The following TRDMT1 variants were observed in gnomAD, a reference collection of about 807,000 sequenced individuals.
TRDMT1 encodes the protein tRNA (cytosine(38)-C(5))-methyltransferase.
A neutral mutation model predicts 51.2 loss-of-function variants in TRDMT1; 49 were observed. The ratio of observed to expected loss-of-function variants is 0.96; its 90% CI spans 0.76 to 1.21. The LOEUF is 1.21. TRDMT1 is among the 50% of genes most tolerant of loss of function. The pLI is 0.00. For missense variants in TRDMT1, 534 were observed against 462.3 expected, an observed-to-expected ratio of 1.16 and a Z score of -1.42; for synonymous variants, 187 against 164.6, an observed-to-expected ratio of 1.14 and a Z score of -1.04.
intron 3 of TRDMT1, among the ~76,000 whole-genome samples, chr10:17,162,679 T>C (rs965709547): frequency 2.6e-5 from 4 of 152,070 alleles, no homozygotes; most frequent in Admixed American, 6.6e-5. Flanking sequence ...TCCATCTCTA[T>C]TAAAAATGCA....
intron 1 of TRDMT1, among the ~76,000 whole-genome samples, chr10:17,193,535 A>G (rs1220446026): frequency 6.6e-6 from 1 of 152,226 alleles, no homozygotes; most frequent in African/African-American, 2.4e-5. Context: ...GAGTCAAATC[A>G]AGAATGTGAT....
intron 1 of TRDMT1, among the ~76,000 whole-genome samples, chr10:17,176,088 G>A (rs190269002): frequency 2.0e-5 from 3 of 152,218 alleles, no homozygotes; most frequent in African/African-American, 7.2e-5. Context: ...AATCAAGAAG[G>A]CTTCTAAACA....
chr10:17,165,415 C>T (rs1841049689), intron 3 of TRDMT1, among the ~76,000 whole-genome samples: 1 of 152,076 alleles, frequency 6.6e-6, no homozygotes, highest in African/African-American at 2.4e-5. Context: ...ACCATAAAAC[C>T]CTAGAAGAAA....
At chr10:17,163,507 G>C (rs1840719686) in intron 3 of TRDMT1, among the ~76,000 whole-genome samples, 1 of 152,036 alleles carries the variant, frequency 6.6e-6, no homozygotes, top group Admixed American at 6.6e-5. Context: ...GAGAAGGCAA[G>C]AAATAACTAA....
chr10:17,197,285 A>G (rs943698351), intron 1 of TRDMT1, among the ~76,000 whole-genome samples: 1 of 152,334 alleles, frequency 6.6e-6, no homozygotes, highest in South Asian at 2.1e-4. Flanking sequence ...TAAGCTAGAA[A>G]GAGTGTGGTA....
chr10:17,176,511 A>G (rs1402359305), intron 1 of TRDMT1, among the ~76,000 whole-genome samples: 1 of 152,234 alleles, frequency 6.6e-6, no homozygotes, highest in Non-Finnish European at 1.5e-5. Context: ...CTTTCTCAGG[A>G]AAGAACAGAT....
chr10:17,141,299 C>A lies in TRDMT1; in HGVS notation c.*7741G>T, dbSNP rs1223386532. On this transcript the variant is annotated 3_prime_UTR_variant, in exon 11 of 11. Coordinates refer to ENST00000377799, the MANE Select transcript of TRDMT1 (RefSeq NM_004412.7). ...GCCTCAGCCTCCCGAGTAGCTGGGA[C>A]TACAGGCATGCACCACCATGCCCGG... is the stretch of plus-strand genomic sequence containing the variant. Among the ~76,000 whole-genome samples the A allele has an allele frequency of 6.6e-6, 1 of 152,092 alleles. No individual in the cohort carries two copies. Among genetic ancestry groups the A allele is most frequent in the African/African-American group, 2.4e-5 (1 of 41,426 alleles).
intron 10 of TRDMT1, among the ~76,000 whole-genome samples, chr10:17,149,364 G>A (rs1295963109): frequency 6.6e-6 from 1 of 152,042 alleles, no homozygotes. Flanking sequence ...GTTATGCTCA[G>A]CACACACACA....
At chr10:17,178,418 G>C (rs1158429533) in intron 1 of TRDMT1, among the ~76,000 whole-genome samples, 1 of 152,170 alleles carries the variant, frequency 6.6e-6, no homozygotes, top group Non-Finnish European at 1.5e-5. Flanking sequence ...GCTCACACCT[G>C]TAATTCCAGC....
At chr10:17,180,574 G>A (rs1267203291) in intron 1 of TRDMT1, among the ~76,000 whole-genome samples, 1 of 149,552 alleles carries the variant, frequency 6.7e-6, no homozygotes, top group Non-Finnish European at 1.5e-5. Context: ...TTCCATATTC[G>A]GTACAGAGAA....
chr10:17,177,180 T>TTTTTTTTATTTATTTATTTA (rs1554763689), intron 1 of TRDMT1, among the ~76,000 whole-genome samples: 10 of 141,542 alleles, frequency 7.1e-5, no homozygotes, highest in Admixed American at 2.8e-4. Flanking sequence ...AACACATTTA[T>TTTTTTTTATTTATTTATTTA]TTTATTTATT....
intron 9 of TRDMT1, 140 bp downstream of exon 9, chr10:17,154,533 TTATA>T (rs1275699754): frequency 2.4e-6 from 1 of 412,678 alleles, no homozygotes; most frequent in African/African-American, 2.1e-5. Context: ...TAATAAAATA[TTATA>T]TATATGAATA....
chr10:17,170,474 C>A (rs1265227776), intron 2 of TRDMT1, among the ~76,000 whole-genome samples: 1 of 152,198 alleles, frequency 6.6e-6, no homozygotes, highest in Non-Finnish European at 1.5e-5. Flanking sequence ...AGTGGGCTAA[C>A]ACTGTTCATC....
At chr10:17,189,370 T>C (rs536035036) in intron 1 of TRDMT1, among the ~76,000 whole-genome samples, 1 of 152,316 alleles carries the variant, frequency 6.6e-6, no homozygotes, top group East Asian at 1.9e-4. Flanking sequence ...CTTTGCCATA[T>C]ATGGATATGC....
Position 17,141,013 on chromosome 10 carries a change from C to G in TRDMT1, c.*8027G>C, listed in dbSNP as rs1012507858. ...ATACATATATAGATAAAACAGAGAT[C>G]TCTTGAAGGATAGTTTGGCTAGATA... On this transcript the variant is annotated 3_prime_UTR_variant, in exon 11 of 11. Transcript: ENST00000377799. Among the ~76,000 whole-genome samples the G allele has an allele frequency of 7.9e-5, 12 of 152,128 alleles. No homozygotes were observed. Among genetic ancestry groups the G allele is most frequent in the Admixed American group, 1.3e-4 (2 of 15,276 alleles).
At position 17,145,978 on chromosome 10, in the gene TRDMT1, A is replaced by C; in HGVS notation, c.*3062T>G. 1.0e-6 allele frequency: 1 copy of C among 985,420 alleles called. No individual in the cohort carries two copies. The highest frequency in any genetic ancestry group is 1.2e-6 in the Non-Finnish European group (1 of 829,944). 61.0% of individuals were successfully genotyped at this position (985,420 alleles called of 1,614,324 possible). On this transcript the variant is annotated 3_prime_UTR_variant, in exon 11 of 11. Transcript: ENST00000377799. ...TCAACTAGGTTGAGATGGGAGCAAA[A>C]ACCCAGATGGTGATTTCTGCTGAGA...
intron 1 of TRDMT1, among the ~76,000 whole-genome samples, chr10:17,183,611 G>GTT (rs1843538828): frequency 6.6e-6 from 1 of 151,986 alleles, no homozygotes; most frequent in Admixed American, 6.6e-5. Flanking sequence ...AAGAGACAGG[G>GTT]TTTCACCACA....
intron 1 of TRDMT1, among the ~76,000 whole-genome samples, chr10:17,186,658 T>C (rs1282818995): frequency 6.6e-6 from 1 of 152,310 alleles, no homozygotes; most frequent in East Asian, 1.9e-4. Flanking sequence ...AAGTTTATGT[T>C]TGTTACAACA....
intron 1 of TRDMT1, among the ~76,000 whole-genome samples, chr10:17,196,173 G>T (rs1845403038): frequency 6.6e-6 from 1 of 152,212 alleles, no homozygotes; most frequent in Non-Finnish European, 1.5e-5. Context: ...CGTGACAAAT[G>T]AGATGCTTAG....
Sources: allele counts gnomAD v4.1 joint callset (sites outside exome capture counted in the v4.1 genomes callset), GRCh38; gene constraint gnomAD v4.1.1; transcripts MANE v1.5; gene names NCBI Gene and HGNC (gene_info 2026-07-23, HGNC 2026-07-21).